The following ADGRL2 variants were observed in gnomAD, a reference collection of about 807,000 sequenced individuals.
ADGRL2 encodes the protein calcium-independent alpha-latrotoxin receptor 2.
Under a neutral mutation model 157.4 loss-of-function variants are expected in ADGRL2, and 44 were observed. That is an observed-to-expected ratio of 0.28 (90% confidence interval 0.22 to 0.36). ADGRL2 has a LOEUF of 0.36. Ranked by LOEUF, ADGRL2 falls within the 10% of genes least tolerant of loss-of-function variation. The pLI is 1.00. For missense variants in ADGRL2, 1,510 were observed against 1,768.9 expected, an observed-to-expected ratio of 0.85 and a Z score of 2.63; for synonymous variants, 585 against 624.7, an observed-to-expected ratio of 0.94 and a Z score of 0.95.
chr1:81,593,598 C>G (rs907912666), intron 3 of ADGRL2, among the ~76,000 whole-genome samples: 7 of 152,142 alleles, frequency 4.6e-5, no homozygotes, highest in African/African-American at 1.7e-4. Context: ...TTTCAGCGTA[C>G]CTTAATTTGG....
At position 81,377,921 on chromosome 1, in the gene ADGRL2, C is replaced by T. The variant is rs141025840; in HGVS notation, c.-301-67115C>T. On this transcript the variant is annotated intron_variant, in intron 1 of 24. Transcript: ENST00000370721. ...TGGTACCGGGCACGGTGGCTCACAC[C>T]TGTAATCCCAACACTTTGGGAGGCT... 4.2e-3 allele frequency among the ~76,000 whole-genome samples: 645 copies of T among 152,244 alleles called. 6 individuals are homozygous for T. Among genetic ancestry groups the T allele is most frequent in the Middle Eastern group, 0.017 (5 of 294 alleles).
At chr1:81,367,702 G>A (rs953431714) in intron 1 of ADGRL2, among the ~76,000 whole-genome samples, 3 of 152,098 alleles carry the variant, frequency 2.0e-5, no homozygotes, top group African/African-American at 7.2e-5. Context: ...ACAGGCATGT[G>A]CCACCACACC....
intron 2 of ADGRL2, among the ~76,000 whole-genome samples, chr1:81,480,798 G>A (rs535930487): frequency 6.6e-6 from 1 of 152,164 alleles, no homozygotes; most frequent in East Asian, 1.9e-4. Flanking sequence ...AAAAGGCAAG[G>A]TCATCTAGTA....
intron 3 of ADGRL2, among the ~76,000 whole-genome samples, chr1:81,924,243 CTA>C (rs2095053540): frequency 7.6e-6 from 1 of 130,724 alleles, no homozygotes; most frequent in East Asian, 2.3e-4. Flanking sequence ...GTTCCTCAGA[CTA>C]GAAGCATAGT....
At chr1:81,350,130 T>C (rs1311604988) in intron 1 of ADGRL2, among the ~76,000 whole-genome samples, 1 of 152,186 alleles carries the variant, frequency 6.6e-6, no homozygotes, top group African/African-American at 2.4e-5. Context: ...TAAGAGTTGA[T>C]TGTGATTTTA....
At chr1:81,367,175 G>A (rs554754084) in intron 1 of ADGRL2, among the ~76,000 whole-genome samples, 78 of 151,248 alleles carry the variant, frequency 5.2e-4, no homozygotes, top group Non-Finnish European at 9.9e-4. Flanking sequence ...ACTTGGACAA[G>A]CCTGTTTCCA....
chr1:81,649,659 C>A (rs2082374631), intron 3 of ADGRL2, among the ~76,000 whole-genome samples: 1 of 152,284 alleles, frequency 6.6e-6, no homozygotes, highest in East Asian at 1.9e-4. Flanking sequence ...GGACTTTGTG[C>A]TAAATACAAG....
rs574735543 is a variant in ADGRL2 at position 81,503,549 on chromosome 1, C to G, written c.-248+58460C>G. ...GATGCACAGAATTTACCTCATCTCACGGAGCCCACGTCGACGAGCACCATT... is the reference window on the plus strand; with the variant it reads ...GATGCACAGAATTTACCTCATCTCAGGGAGCCCACGTCGACGAGCACCATT... On this transcript the variant is annotated intron_variant, in intron 2 of 24. Coordinates refer to the ADGRL2 transcript ENST00000370721. The G allele has an allele frequency of 3.4e-4, 517 of 1,502,838 alleles. 6 individuals are homozygous for G. In the South Asian group the frequency reaches 6.1e-3, roughly 18 times the overall value. 93.1% of individuals were successfully genotyped at this position (1,502,838 alleles called of 1,614,324 possible). A position where few individuals can be genotyped will look rare whatever the true frequency, so the allele number is the denominator to read the frequency against.
intron 2 of ADGRL2, among the ~76,000 whole-genome samples, chr1:81,539,325 A>G (rs2079824562): frequency 6.6e-6 from 1 of 152,110 alleles, no homozygotes; most frequent in South Asian, 2.1e-4. Flanking sequence ...TGATGCCACC[A>G]CCACCCCTCC....
At chr1:81,868,060 G>GGTGTGTGTGTGT (rs145794673) in intron 2 of ADGRL2, among the ~76,000 whole-genome samples, 15 of 145,658 alleles carry the variant, frequency 1.0e-4, no homozygotes, top group African/African-American at 3.0e-4. Context: ...GTGTGTGTGT[G>GGTGTGTGTGTGT]GTGTGTGTGT....
chr1:81,404,780 C>T (rs2076823878), intron 1 of ADGRL2, among the ~76,000 whole-genome samples: 1 of 152,118 alleles, frequency 6.6e-6, no homozygotes, highest in South Asian at 2.1e-4. Flanking sequence ...TCTTACTCTT[C>T]CTCTTCCATC....
At chr1:81,342,554 A>T (rs889283013) in intron 1 of ADGRL2, among the ~76,000 whole-genome samples, 4 of 152,182 alleles carry the variant, frequency 2.6e-5, no homozygotes, top group Non-Finnish European at 5.9e-5. Context: ...ATTTAGTCAT[A>T]ATTTTAACCA....
At chr1:81,379,693 G>A (rs2076311370) in intron 1 of ADGRL2, among the ~76,000 whole-genome samples, 1 of 152,128 alleles carries the variant, frequency 6.6e-6, no homozygotes, top group Non-Finnish European at 1.5e-5. Context: ...TCTTGTCAGT[G>A]TGCTCCCCTC....
chr1:81,724,935 G>A (rs1272444113), intron 1 of ADGRL2, among the ~76,000 whole-genome samples: 1 of 152,232 alleles, frequency 6.6e-6, no homozygotes, highest in Non-Finnish European at 1.5e-5. Context: ...GCCGGGCACG[G>A]TGGCTCACGC....
At chr1:81,616,679 C>CATTTTTTT (rs2081658787) in intron 3 of ADGRL2, among the ~76,000 whole-genome samples, 2 of 105,966 alleles carry the variant, frequency 1.9e-5, no homozygotes, top group Non-Finnish European at 3.7e-5. Context: ...CTTTTCTTTT[C>CATTTTTTT]TTTTTTTTTT....
chr1:81,390,524 G>A (rs1280759935), intron 1 of ADGRL2, among the ~76,000 whole-genome samples: 1 of 152,306 alleles, frequency 6.6e-6, no homozygotes. Flanking sequence ...CTTATGACAG[G>A]AAAGCTCAAA....
At chr1:81,555,621 GA>G (rs1288111209) in intron 2 of ADGRL2, among the ~76,000 whole-genome samples, 3 of 151,996 alleles carry the variant, frequency 2.0e-5, no homozygotes, top group Non-Finnish European at 4.4e-5. Context: ...GAGGCGACCT[GA>G]AAAACTAACA....
intron 1 of ADGRL2, among the ~76,000 whole-genome samples, chr1:81,338,663 A>G (rs1661831685): frequency 6.6e-6 from 1 of 152,240 alleles, no homozygotes; most frequent in South Asian, 2.1e-4. Flanking sequence ...ATTGCATAGT[A>G]TTCACCATGT....
chr1:81,678,189 A>G (rs1243808113), intron 3 of ADGRL2, among the ~76,000 whole-genome samples: 1 of 152,004 alleles, frequency 6.6e-6, no homozygotes, highest in African/African-American at 2.4e-5. Flanking sequence ...GTCTGTCTCT[A>G]CTCTGATCTC....
Sources: gnomAD v4.1 joint callset for allele counts (sites outside exome capture counted in the v4.1 genomes callset) on GRCh38, gnomAD v4.1.1 for gene constraint, MANE v1.5 for transcripts, NCBI Gene and HGNC (gene_info 2026-07-23, HGNC 2026-07-21) for gene names.